Variants in CACNA2D3 observed in about 807,000 individuals in gnomAD.
CACNA2D3 encodes calcium voltage-gated channel auxiliary subunit alpha2delta 3, also known as voltage-dependent calcium channel subunit alpha-2/delta-3.
CACNA2D3 carries 60 observed loss-of-function variants against 160.6 expected under a neutral mutation model. That is an observed-to-expected ratio of 0.37 (90% CI 0.30 to 0.46). CACNA2D3 has a LOEUF of 0.46. Ranked by LOEUF, CACNA2D3 falls within the 20% of genes least tolerant of loss-of-function variation. The pLI is 1.00. For missense variants in CACNA2D3, 1,205 were observed against 1,365.0 expected, an observed-to-expected ratio of 0.88 and a Z score of 1.85; for synonymous variants, 558 against 492.9, an observed-to-expected ratio of 1.13 and a Z score of -1.75.
At chr3:54,766,744 T>G (rs528758009) in intron 13 of CACNA2D3, among the ~76,000 whole-genome samples, 1 of 151,268 alleles carries the variant, frequency 6.6e-6, no homozygotes, top group Non-Finnish European at 1.5e-5. Context: ...CCTAATGGAG[T>G]CAATATTAAA....
intron 13 of CACNA2D3, among the ~76,000 whole-genome samples, chr3:54,800,785 T>TA (rs2106670067): frequency 6.6e-6 from 1 of 152,262 alleles, no homozygotes; most frequent in African/African-American, 2.4e-5. Context: ...AGTTTGAAAA[T>TA]ATGACCTTCA....
intron 11 of CACNA2D3, among the ~76,000 whole-genome samples, chr3:54,746,057 T>C (rs1701748240): frequency 6.6e-6 from 1 of 152,236 alleles, no homozygotes; most frequent in Non-Finnish European, 1.5e-5. Context: ...GTTTCTTCTT[T>C]TATTATGAGC....
intron 27 of CACNA2D3, among the ~76,000 whole-genome samples, chr3:54,938,251 G>A (rs753956762): frequency 2.6e-5 from 4 of 152,226 alleles, no homozygotes; most frequent in Non-Finnish European, 5.9e-5. Context: ...ATTTCCTCCT[G>A]TGAGTTTGTG....
At chr3:54,857,969 A>G (rs1256198842) in intron 17 of CACNA2D3, among the ~76,000 whole-genome samples, 1 of 152,110 alleles carries the variant, frequency 6.6e-6, no homozygotes, top group Non-Finnish European at 1.5e-5. Context: ...AATTTGATTT[A>G]GAAGATAGGA....
At chr3:54,862,401 ACACG>A (rs1262703304) in intron 17 of CACNA2D3, among the ~76,000 whole-genome samples, 1 of 151,054 alleles carries the variant, frequency 6.6e-6, no homozygotes. Context: ...ACACACACAC[ACACG>A]CACACACACG....
At chr3:54,763,119 A>G (rs1436215855) in intron 12 of CACNA2D3, among the ~76,000 whole-genome samples, 1 of 151,114 alleles carries the variant, frequency 6.6e-6, no homozygotes. Context: ...AAAAGAAATC[A>G]TGTCTACCCA....
intron 27 of CACNA2D3, among the ~76,000 whole-genome samples, chr3:54,934,228 G>A (rs1335079924): frequency 6.6e-6 from 1 of 152,164 alleles, no homozygotes; most frequent in African/African-American, 2.4e-5. Flanking sequence ...TTCATTTTAT[G>A]CCCTAAGGTC....
chr3:54,329,677 G>A (rs1704201467), intron 3 of CACNA2D3, among the ~76,000 whole-genome samples: 1 of 152,078 alleles, frequency 6.6e-6, no homozygotes, highest in South Asian at 2.1e-4. Context: ...GTTTGTGGGT[G>A]GGAGGAAATT....
chr3:54,880,552 AAC>A (rs1430699243), intron 20 of CACNA2D3, among the ~76,000 whole-genome samples: 1 of 152,184 alleles, frequency 6.6e-6, no homozygotes, highest in Non-Finnish European at 1.5e-5. Context: ...CAACTCTGAA[AAC>A]ACAAAGAGTA....
chr3:54,620,628 T>C (rs558170784), intron 9 of CACNA2D3, among the ~76,000 whole-genome samples: 1 of 152,296 alleles, frequency 6.6e-6, no homozygotes, highest in South Asian at 2.1e-4. Flanking sequence ...CCACTGCATA[T>C]GTCACATCCC....
At chr3:54,196,921 C>A (rs1576992633) in intron 2 of CACNA2D3, among the ~76,000 whole-genome samples, 1 of 152,236 alleles carries the variant, frequency 6.6e-6, no homozygotes, top group South Asian at 2.1e-4. Flanking sequence ...GTAAATTAGA[C>A]CTTTTGCATT....
In CACNA2D3 at chr3:54,846,476, A is replaced by C; in HGVS notation, c.1626+9A>C. 1.3e-6 allele frequency: 2 copies of C among 1,546,438 alleles called. No homozygotes were observed. Among genetic ancestry groups the C allele is most frequent in the South Asian group, 1.2e-5 (1 of 85,546 alleles). ...CGGAACTCAGGCTGCTGGTAAGAGA[A>C]ATTATGTACTTCTGCATTTCTGCTT... is the stretch of plus-strand genomic sequence containing the variant. On this transcript the variant is annotated intron_variant, in intron 17 of 37. Transcript: ENST00000474759.
Position 54,927,127 on chromosome 3 carries a change from T to A in CACNA2D3, c.2449+27259T>A, listed in dbSNP as rs150105996. 2.8e-3 allele frequency among the ~76,000 whole-genome samples: 430 copies of A among 152,052 alleles called. 2 individuals are homozygous for A. Among genetic ancestry groups the A allele is most frequent in the African/African-American group, 9.9e-3 (412 of 41,528 alleles). On this transcript the variant is annotated intron_variant, in intron 27 of 37. Transcript: ENST00000474759. ...GAAAGGGGCTTTGTTTGATTGATTG[T>A]TTGCTTGCTTGCTTGTTTTGGGCCT...
intron 2 of CACNA2D3, among the ~76,000 whole-genome samples, chr3:54,232,603 A>G (rs1701794906): frequency 6.6e-6 from 1 of 152,158 alleles, no homozygotes; most frequent in African/African-American, 2.4e-5. Context: ...TGCTTTGAAC[A>G]CATTCCCCAA....
At chr3:54,179,258 C>T (rs1036521957) in intron 2 of CACNA2D3, among the ~76,000 whole-genome samples, 3 of 152,204 alleles carry the variant, frequency 2.0e-5, no homozygotes, top group Non-Finnish European at 2.9e-5. Flanking sequence ...CCGCTTGCAT[C>T]GTCTGTCAGT....
intron 35 of CACNA2D3, among the ~76,000 whole-genome samples, chr3:55,067,101 C>G (rs2361035): frequency 0.091 from 13,581 of 148,570 alleles, 1,109 homozygotes; most frequent in East Asian, 0.24. Context: ...TCTTTTGTAG[C>G]GGGGGGGGCT....
At chr3:54,811,525 TC>T (rs1703319037) in intron 13 of CACNA2D3, among the ~76,000 whole-genome samples, 1 of 132,626 alleles carries the variant, frequency 7.5e-6, no homozygotes, top group Admixed American at 8.8e-5. Flanking sequence ...TGAGACAGCA[TC>T]TCACTCTGTC....
At chr3:54,977,081 G>A (rs1244137003) in intron 29 of CACNA2D3, among the ~76,000 whole-genome samples, 1 of 152,040 alleles carries the variant, frequency 6.6e-6, no homozygotes, top group African/African-American at 2.4e-5. Flanking sequence ...AAACAAATGG[G>A]GTAAGGGGCC....
chr3:54,321,353 C>G (rs1399701958), intron 3 of CACNA2D3, among the ~76,000 whole-genome samples: 1 of 152,022 alleles, frequency 6.6e-6, no homozygotes, highest in East Asian at 1.9e-4. Context: ...AGATGTGTTG[C>G]CCAGGCTGTT....
Sources: allele counts gnomAD v4.1 joint callset (sites outside exome capture counted in the v4.1 genomes callset), GRCh38; gene constraint gnomAD v4.1.1; transcripts MANE v1.5; gene names NCBI Gene and HGNC (gene_info 2026-07-23, HGNC 2026-07-21).